Variants in VPS13B observed in about 807,000 individuals in gnomAD.
VPS13B encodes vacuolar protein sorting 13 homolog B, also known as intermembrane lipid transfer protein VPS13B.
A neutral mutation model predicts 426.4 loss-of-function variants in VPS13B; 285 were observed. That is an observed-to-expected ratio of 0.67 (90% CI 0.61 to 0.74). VPS13B has a LOEUF of 0.74. Among genes scored for constraint, VPS13B ranks in the 30% least tolerant of loss-of-function variants. VPS13B has a pLI of 0.00. For synonymous variants in VPS13B, 1,676 were observed against 1,676.4 expected (o/e 1.00, Z 0.01); for missense variants, 4,537 against 4,782.6 (o/e 0.95, Z 1.51).
chr8:99,341,720 CT>C, intron 19 of VPS13B: 1 of 390,870 alleles, frequency 2.6e-6, no homozygotes, highest in Non-Finnish European at 5.3e-6. Context: ...ATTCTGGGAT[CT>C]TTCTGCCTTT....
intron 43 of VPS13B, among the ~76,000 whole-genome samples, chr8:99,792,628 A>C (rs1812607601): frequency 6.6e-6 from 1 of 152,122 alleles, no homozygotes; most frequent in Non-Finnish European, 1.5e-5. Context: ...CCAGAACCGG[A>C]AGATGGCTGC....
intron 58 of VPS13B, among the ~76,000 whole-genome samples, chr8:99,864,294 A>C (rs1184251851): frequency 6.6e-6 from 1 of 152,230 alleles, no homozygotes; most frequent in Non-Finnish European, 1.5e-5. Flanking sequence ...CACACTTGTA[A>C]TCCTAGCACT....
At chr8:99,281,330 G>A (rs375065901) in intron 19 of VPS13B, among the ~76,000 whole-genome samples, 16 of 152,288 alleles carry the variant, frequency 1.1e-4, no homozygotes, top group South Asian at 6.2e-4. Flanking sequence ...GTTGGGGACC[G>A]CTGATCGATA....
intron 21 of VPS13B, among the ~76,000 whole-genome samples, chr8:99,415,519 TA>T (rs1563717309): frequency 1.3e-5 from 2 of 152,194 alleles, no homozygotes; most frequent in Admixed American, 6.5e-5. Context: ...ACAGCCTTTT[TA>T]GGCTGGTTTT....
At chr8:99,163,295 T>G (rs894115650) in intron 15 of VPS13B, among the ~76,000 whole-genome samples, 8 of 152,198 alleles carry the variant, frequency 5.3e-5, no homozygotes, top group Non-Finnish European at 8.8e-5. Flanking sequence ...ATATAAAGAC[T>G]CTCCACATCC....
In VPS13B at chr8:99,407,557, T is replaced by C. The variant is rs142518251; in HGVS notation, c.3082+15853T>C. Among the ~76,000 whole-genome samples, 1,180 of 152,300 alleles carry C rather than the reference T, an allele frequency of 7.7e-3. 7 individuals carry two copies. Among genetic ancestry groups the C allele is most frequent in the Non-Finnish European group, 0.011 (763 of 68,018 alleles). ...ACAAGTAGGCACTCAGTTATACTTATTGAATTGAACTAAGCGACTTTTCCA... is the reference window on the plus strand; with the variant it reads ...ACAAGTAGGCACTCAGTTATACTTACTGAATTGAACTAAGCGACTTTTCCA... On this transcript the variant is annotated intron_variant, in intron 21 of 61. Transcript: ENST00000357162.
chr8:99,640,080 A>AG (rs1236529317), intron 33 of VPS13B, among the ~76,000 whole-genome samples: 1 of 149,636 alleles, frequency 6.7e-6, no homozygotes, highest in Non-Finnish European at 1.5e-5. Flanking sequence ...AGAAAAGAAA[A>AG]GAAAAGAAAA....
At position 99,582,725 on chromosome 8, in the gene VPS13B, G is replaced by A. The variant is rs141862669; in HGVS notation, c.5220+5092G>A. ...GGCAGGAGTGCAGTGGCGCAATCTCGGCTCACTGCAAGCTCCGCCTCCTGT... is the reference window on the plus strand; with the variant it reads ...GGCAGGAGTGCAGTGGCGCAATCTCAGCTCACTGCAAGCTCCGCCTCCTGT... On this transcript the variant is annotated intron_variant, in intron 33 of 61. Transcript: ENST00000357162. Among the ~76,000 whole-genome samples the A allele has an allele frequency of 8.7e-3, 1,326 of 151,704 alleles. 20 individuals are homozygous for A. Among genetic ancestry groups the A allele is most frequent in the African/African-American group, 0.029 (1,202 of 41,340 alleles).
intron 21 of VPS13B, among the ~76,000 whole-genome samples, chr8:99,427,472 G>T (rs1816788476): frequency 1.3e-5 from 2 of 151,148 alleles, no homozygotes; most frequent in South Asian, 2.1e-4. Flanking sequence ...TAGCTTGATG[G>T]GGATTCTTAT....
chr8:99,818,027 G>A (rs768805327), intron 45 of VPS13B, among the ~76,000 whole-genome samples: 6 of 152,240 alleles, frequency 3.9e-5, no homozygotes, highest in East Asian at 1.9e-4. Context: ...CCTCCCAGAC[G>A]CAAGTGATAT....
intron 3 of VPS13B, among the ~76,000 whole-genome samples, chr8:99,086,929 G>T (rs1418409446): frequency 6.6e-6 from 1 of 152,190 alleles, no homozygotes; most frequent in Non-Finnish European, 1.5e-5. Flanking sequence ...GAGGCAGTCT[G>T]TCGGTTCTCA....
At chr8:99,544,178 C>G (rs971310465) in intron 30 of VPS13B, among the ~76,000 whole-genome samples, 1 of 152,026 alleles carries the variant, frequency 6.6e-6, no homozygotes, top group African/African-American at 2.4e-5. Context: ...ATGGATGAAG[C>G]TGGAAACCAT....
At chr8:99,604,294 C>T (rs75834620) in intron 33 of VPS13B, among the ~76,000 whole-genome samples, 6,900 of 152,096 alleles carry the variant, frequency 0.045, 172 homozygotes, top group East Asian at 0.06. Flanking sequence ...TAATATGGTA[C>T]ATTTTCACAA....
rs1056480905 is a variant in VPS13B, at chr8:99,815,307, C to T, written c.8098-2233C>T. On this transcript the variant is annotated intron_variant, in intron 44 of 61. Coordinates refer to ENST00000357162, the MANE Select transcript of VPS13B (RefSeq NM_152564.5). The stretch of plus-strand genomic sequence containing the variant: ...CCAGGAGAGCGAATAGTGTAAGTTC[C>T]AGTCCAAAGTCTGGCAAGTTCAAGA... Among the ~76,000 whole-genome samples the T allele has an allele frequency of 7.2e-5, 11 of 152,070 alleles. No individual in the cohort carries two copies. In the South Asian group the frequency reaches 8.3e-4, roughly 11 times the overall value.
At chr8:99,399,248 A>G (rs1814907910) in intron 21 of VPS13B, among the ~76,000 whole-genome samples, 1 of 152,196 alleles carries the variant, frequency 6.6e-6, no homozygotes, top group South Asian at 2.1e-4. Context: ...CATTGTAAGA[A>G]AAATTATTTT....
At chr8:99,444,466 A>AAT (rs1367974547) in intron 23 of VPS13B, among the ~76,000 whole-genome samples, 1 of 152,194 alleles carries the variant, frequency 6.6e-6, no homozygotes, top group African/African-American at 2.4e-5. Context: ...TACATCATTT[A>AAT]ATATACTAAA....
chr8:99,436,364 G>C (rs151051696), intron 22 of VPS13B, among the ~76,000 whole-genome samples: 18 of 152,176 alleles, frequency 1.2e-4, no homozygotes, highest in African/African-American at 3.9e-4. Context: ...TTAATTGTAA[G>C]TTATGATAGT....
chr8:99,723,219 T>G (rs1387666499), intron 39 of VPS13B, among the ~76,000 whole-genome samples: 4 of 152,228 alleles, frequency 2.6e-5, no homozygotes. Flanking sequence ...AGGCTAATAA[T>G]AATGTGATGA....
intron 3 of VPS13B, among the ~76,000 whole-genome samples, chr8:99,084,610 TAC>T (rs1035167057): frequency 3.8e-4 from 58 of 152,250 alleles, no homozygotes; most frequent in African/African-American, 1.4e-3. Context: ...ATTTTCCCTC[TAC>T]ACACTGCTTT....
Sources: allele counts gnomAD v4.1 joint callset (sites outside exome capture counted in the v4.1 genomes callset), GRCh38; gene constraint gnomAD v4.1.1; transcripts MANE v1.5; gene names NCBI Gene and HGNC (gene_info 2026-07-23, HGNC 2026-07-21).